Variants in INSYN2A observed in about 807,000 individuals in gnomAD.
INSYN2A encodes inhibitory synaptic factor 2A.
In INSYN2A, 17 loss-of-function variants were observed where a neutral mutation model predicts 39.4. That is an observed-to-expected ratio of 0.43 (90% CI 0.30 to 0.65). The LOEUF is 0.65. Ranked by LOEUF, INSYN2A falls within the 30% of genes least tolerant of loss-of-function variation. INSYN2A has a pLI of 0.14. For missense variants in INSYN2A, 595 were observed against 631.2 expected (o/e 0.94, Z 0.61); for synonymous variants, 255 against 265.7 (o/e 0.96, Z 0.39).
intron 4 of INSYN2A, among the ~76,000 whole-genome samples, chr10:127,158,077 A>G (rs1180710933): frequency 2.0e-5 from 3 of 152,194 alleles, no homozygotes; most frequent in Non-Finnish European, 4.4e-5. Flanking sequence ...TTCACTGATA[A>G]TTTTATGGTC....
intron 4 of INSYN2A, among the ~76,000 whole-genome samples, chr10:127,161,846 T>A (rs1395672618): frequency 6.6e-6 from 1 of 152,204 alleles, no homozygotes; most frequent in African/African-American, 2.4e-5. Context: ...GAATGATGAA[T>A]GAAGGAACAA....
intron 2 of INSYN2A, among the ~76,000 whole-genome samples, chr10:127,178,365 TC>T (rs2055379014): frequency 6.6e-6 from 1 of 152,232 alleles, no homozygotes; most frequent in Admixed American, 6.5e-5. Flanking sequence ...TACTGGTATT[TC>T]AGGATGGATC....
At chr10:127,180,162 C>T (rs1025885201) in intron 2 of INSYN2A, among the ~76,000 whole-genome samples, 2 of 152,234 alleles carry the variant, frequency 1.3e-5, no homozygotes, top group Non-Finnish European at 2.9e-5. Flanking sequence ...CTCATCTGAG[C>T]AATGCCCTTG....
chr10:127,186,702 T>G (rs996043585), intron 2 of INSYN2A, among the ~76,000 whole-genome samples: 4 of 151,888 alleles, frequency 2.6e-5, no homozygotes, highest in Non-Finnish European at 4.4e-5. Context: ...TATAAAATTA[T>G]ACTAAATAAG....
Position 127,135,557 on chromosome 10 carries a change from A to G in INSYN2A, c.*2280T>C, listed in dbSNP as rs1219033993. 2 of 152,786 alleles carry G rather than the reference A, an allele frequency of 1.3e-5. No homozygotes were observed. Among genetic ancestry groups the G allele is most frequent in the South Asian group, 2.1e-4 (1 of 4,824 alleles). The allele number at this position is 152,786 out of a possible 1,614,324, so 9.5% of individuals were successfully genotyped here. A position where few individuals can be genotyped will look rare whatever the true frequency, so the allele number is the denominator to read the frequency against. ...CCTGTGCGTTTTACCTTGCTTTTGT[A>G]TCAGCGTTTTTACTTGAATCTTTCC... On this transcript the variant is annotated 3_prime_UTR_variant, in exon 6 of 6. Transcript: ENST00000522781.
At chr10:127,154,061 G>A in intron 4 of INSYN2A, 138 bp from the exon 5 acceptor site, 2 of 641,950 alleles carry the variant, frequency 3.1e-6, no homozygotes, top group Non-Finnish European at 5.6e-6. Context: ...ATGCTTCCCA[G>A]TTTGCTCCTG....
At chr10:127,168,089 G>A (rs1282585818) in intron 4 of INSYN2A, among the ~76,000 whole-genome samples, 2 of 152,168 alleles carry the variant, frequency 1.3e-5, no homozygotes, top group Non-Finnish European at 2.9e-5. Flanking sequence ...AGGTCCAGAG[G>A]GGTTAATAAG....
At chr10:127,179,818 C>A (rs1306286966) in intron 2 of INSYN2A, among the ~76,000 whole-genome samples, 2 of 152,214 alleles carry the variant, frequency 1.3e-5, no homozygotes, top group Non-Finnish European at 2.9e-5. Flanking sequence ...TACAGTGTAG[C>A]ATTAACATTC....
chr10:127,162,983 CTG>C (rs1191820479), intron 4 of INSYN2A, among the ~76,000 whole-genome samples: 1 of 152,208 alleles, frequency 6.6e-6, no homozygotes, highest in Non-Finnish European at 1.5e-5. Context: ...TTCCATGGGA[CTG>C]TTCTAACCCG....
At chr10:127,140,352 C>A (rs1314890977) in intron 5 of INSYN2A, among the ~76,000 whole-genome samples, 3 of 152,172 alleles carry the variant, frequency 2.0e-5, no homozygotes, top group Non-Finnish European at 4.4e-5. Flanking sequence ...CCCTGGGAAT[C>A]TGCAACCAGA....
intron 2 of INSYN2A, among the ~76,000 whole-genome samples, chr10:127,186,724 C>G (rs2056307096): frequency 6.6e-6 from 1 of 151,914 alleles, no homozygotes; most frequent in South Asian, 2.1e-4. Flanking sequence ...AAGCGCAGTA[C>G]TTAGGAATCT....
intron 4 of INSYN2A, 45 bp from the exon 5 acceptor site, chr10:127,153,968 T>C: frequency 2.8e-6 from 4 of 1,430,806 alleles, no homozygotes; most frequent in Non-Finnish European, 3.9e-6. Context: ...TGGCTGGGGG[T>C]CACTGGCTTT....
intron 5 of INSYN2A, among the ~76,000 whole-genome samples, chr10:127,145,566 C>T (rs1365315473): frequency 6.6e-6 from 1 of 152,138 alleles, no homozygotes. Flanking sequence ...GCTGTGAGTC[C>T]CTCGTGGCCA....
At chr10:127,151,031 A>AT (rs2052436960) in intron 5 of INSYN2A, among the ~76,000 whole-genome samples, 1 of 152,184 alleles carries the variant, frequency 6.6e-6, no homozygotes, top group Non-Finnish European at 1.5e-5. Flanking sequence ...GTACGTGTCA[A>AT]TTTTTTATGA....
intron 5 of INSYN2A, among the ~76,000 whole-genome samples, chr10:127,145,286 C>T (rs970585657): frequency 2.0e-5 from 3 of 152,128 alleles, no homozygotes; most frequent in African/African-American, 7.2e-5. Context: ...CTCTGCCCAT[C>T]GTAAGTTCTC....
At chr10:127,149,117 T>C (rs2052212828) in intron 5 of INSYN2A, among the ~76,000 whole-genome samples, 1 of 152,174 alleles carries the variant, frequency 6.6e-6, no homozygotes, top group Non-Finnish European at 1.5e-5. Context: ...ACTTTTACCC[T>C]TCTGTGCAGT....
intron 5 of INSYN2A, among the ~76,000 whole-genome samples, chr10:127,152,137 G>A (rs1327315306): frequency 6.6e-6 from 1 of 152,136 alleles, no homozygotes; most frequent in Non-Finnish European, 1.5e-5. Flanking sequence ...AAGACGGTAT[G>A]AGCTTTAGCT....
chr10:127,146,302 G>GT (rs1361053259), intron 5 of INSYN2A, among the ~76,000 whole-genome samples: 1 of 152,148 alleles, frequency 6.6e-6, no homozygotes, highest in Non-Finnish European at 1.5e-5. Context: ...TGGGTAATCA[G>GT]TTTTAGTTAC....
chr10:127,146,459 C>T (rs201403839), intron 5 of INSYN2A, among the ~76,000 whole-genome samples: 2 of 152,046 alleles, frequency 1.3e-5, no homozygotes, highest in East Asian at 3.9e-4. Flanking sequence ...AAAGAAAAAA[C>T]TTGGATTATT....
Sources: gnomAD v4.1 joint callset for allele counts (sites outside exome capture counted in the v4.1 genomes callset) on GRCh38, gnomAD v4.1.1 for gene constraint, MANE v1.5 for transcripts, NCBI Gene and HGNC (gene_info 2026-07-23, HGNC 2026-07-21) for gene names.